LYPD6: variants seen among roughly 807,000 people sequenced by gnomAD.
The protein encoded by LYPD6 is LY6/PLAUR domain containing 6, also known as ly6/PLAUR domain-containing protein 6.
In LYPD6, 15 loss-of-function variants were observed where a neutral mutation model predicts 22.7. The ratio of observed to expected loss-of-function variants is 0.66; its 90% confidence interval spans 0.44 to 1.02. The LOEUF (loss-of-function observed/expected upper bound fraction) is 1.02. Among genes scored for constraint, LYPD6 ranks in the 50% least tolerant of loss-of-function variants. The pLI is 0.00. For synonymous variants in LYPD6, 72 were observed against 77.5 expected, an observed-to-expected ratio of 0.93 and a Z score of 0.37; for missense variants, 189 against 208.4, an observed-to-expected ratio of 0.91 and a Z score of 0.57.
intron 3 of LYPD6, among the ~76,000 whole-genome samples, chr2:149,465,678 G>A (rs1199033846): frequency 6.6e-6 from 1 of 152,138 alleles, no homozygotes; most frequent in Non-Finnish European, 1.5e-5. Context: ...AACAATATTG[G>A]TGGGTAAATG....
intron 1 of LYPD6, among the ~76,000 whole-genome samples, chr2:149,391,307 CT>C (rs1370570193): frequency 6.6e-6 from 1 of 152,140 alleles, no homozygotes; most frequent in Admixed American, 6.5e-5. Flanking sequence ...ATTTTTTGGT[CT>C]GTTTTAGAAA....
At chr2:149,359,152 GA>G (rs371403518) in intron 1 of LYPD6, among the ~76,000 whole-genome samples, 20 of 151,830 alleles carry the variant, frequency 1.3e-4, no homozygotes, top group Non-Finnish European at 2.1e-4. Flanking sequence ...AACAGAAATG[GA>G]AAAAAAATTA....
intron 3 of LYPD6, among the ~76,000 whole-genome samples, chr2:149,466,598 C>T (rs890452790): frequency 5.9e-5 from 9 of 152,110 alleles, no homozygotes; most frequent in Non-Finnish European, 1.0e-4. Flanking sequence ...CAATGGAATA[C>T]GCTCTCCATT....
chr2:149,330,526 G>C (rs945627438), upstream of LYPD6: 22 of 149,606 alleles, frequency 1.5e-4, no homozygotes, highest in African/African-American at 4.4e-4. Context: ...GCCAGTGCCC[G>C]GCGCGAGTGG....
intron 1 of LYPD6, among the ~76,000 whole-genome samples, chr2:149,381,479 AGGT>A (rs1201351744): frequency 2.0e-5 from 3 of 152,150 alleles, no homozygotes; most frequent in Non-Finnish European, 2.9e-5. Context: ...AGGTAGAGAG[AGGT>A]GGTGGTGAGA....
chr2:149,345,284 C>T (rs1240245518), intron 1 of LYPD6, among the ~76,000 whole-genome samples: 1 of 150,034 alleles, frequency 6.7e-6, no homozygotes, highest in East Asian at 2.0e-4. Flanking sequence ...GTTTGATTGT[C>T]TATGGTCCAC....
intron 1 of LYPD6, among the ~76,000 whole-genome samples, chr2:149,431,766 G>A (rs1559150255): frequency 1.3e-5 from 2 of 152,036 alleles, no homozygotes; most frequent in East Asian, 3.9e-4. Context: ...AATAATGTGT[G>A]GGCTCTATCA....
At chr2:149,438,911 T>C (rs959648300) in intron 2 of LYPD6, among the ~76,000 whole-genome samples, 2 of 152,198 alleles carry the variant, frequency 1.3e-5, no homozygotes, top group Admixed American at 6.5e-5. Context: ...GAAGATTAAA[T>C]TAAAAATGTG....
intron 1 of LYPD6, among the ~76,000 whole-genome samples, chr2:149,433,877 G>T (rs532338228): frequency 6.6e-6 from 1 of 152,082 alleles, no homozygotes; most frequent in Non-Finnish European, 1.5e-5. Context: ...TTTTGGTATT[G>T]TCCTTTAATA....
At chr2:149,407,850 C>T (rs1682757423) in intron 1 of LYPD6, among the ~76,000 whole-genome samples, 1 of 152,078 alleles carries the variant, frequency 6.6e-6, no homozygotes, top group Non-Finnish European at 1.5e-5. Context: ...TGTTTTTTCC[C>T]CATCTTTGTG....
At chr2:149,404,716 A>G (rs573980473) in intron 1 of LYPD6, among the ~76,000 whole-genome samples, 1 of 152,066 alleles carries the variant, frequency 6.6e-6, no homozygotes, top group Non-Finnish European at 1.5e-5. Context: ...GTATTTGAAT[A>G]CCCTTTATTT....
At chr2:149,331,213 G>A (rs1680931743) in intron 1 of LYPD6, among the ~76,000 whole-genome samples, 1 of 152,090 alleles carries the variant, frequency 6.6e-6, no homozygotes, top group Non-Finnish European at 1.5e-5. Flanking sequence ...GTGTGCTGGA[G>A]GTACCTCCCC....
At chr2:149,477,014 C>T (rs1681458670), downstream of LYPD6, among the ~76,000 whole-genome samples, 1 of 152,174 alleles carries the variant, frequency 6.6e-6, no homozygotes, top group South Asian at 2.1e-4. Context: ...TGGAAAGGGG[C>T]TGAGTAGATG....
chr2:149,347,509 T>C (rs1352681761), intron 1 of LYPD6, among the ~76,000 whole-genome samples: 1 of 152,148 alleles, frequency 6.6e-6, no homozygotes. Flanking sequence ...ATGGAATTGA[T>C]TTGTTAAAGC....
chr2:149,426,544 T>A (rs1253571468), intron 1 of LYPD6, among the ~76,000 whole-genome samples: 3 of 152,160 alleles, frequency 2.0e-5, no homozygotes, highest in African/African-American at 7.2e-5. Flanking sequence ...AGAAAGGGCA[T>A]GATTTGTAAA....
intron 1 of LYPD6, among the ~76,000 whole-genome samples, chr2:149,352,179 A>G (rs1032981047): frequency 2.6e-5 from 4 of 152,156 alleles, no homozygotes; most frequent in South Asian, 2.1e-4. Flanking sequence ...AAAAAATGCT[A>G]TAAGGTAGAT....
intron 1 of LYPD6, among the ~76,000 whole-genome samples, chr2:149,380,443 G>A (rs918390386): frequency 1.3e-5 from 2 of 152,188 alleles, no homozygotes; most frequent in African/African-American, 4.8e-5. Flanking sequence ...GTAAAGGGGC[G>A]ATCCATTTGA....
At chr2:149,377,786 C>A (rs914097416) in intron 1 of LYPD6, among the ~76,000 whole-genome samples, 4 of 116,624 alleles carry the variant, frequency 3.4e-5, no homozygotes, top group Admixed American at 1.7e-4. Context: ...TCCCCACCCC[C>A]CCCCCCACCC....
intron 1 of LYPD6, among the ~76,000 whole-genome samples, chr2:149,393,724 T>C (rs929506219): frequency 1.3e-5 from 2 of 152,162 alleles, no homozygotes; most frequent in East Asian, 1.9e-4. Context: ...CTGAGGAAGA[T>C]TAAGGGATCT....
Sources: allele counts gnomAD v4.1 joint callset (sites outside exome capture counted in the v4.1 genomes callset), GRCh38; gene constraint gnomAD v4.1.1; transcripts MANE v1.5; gene names NCBI Gene and HGNC (gene_info 2026-07-23, HGNC 2026-07-21).